The following CBLC variants were observed in gnomAD, a reference collection of about 807,000 sequenced individuals.
CBLC encodes E3 ubiquitin-protein ligase CBL-C.
A neutral mutation model predicts 58.6 loss-of-function variants in CBLC; 46 were observed. That is an observed-to-expected ratio of 0.79 (90% CI 0.62 to 1.00). CBLC has a LOEUF of 1.00. Ranked by LOEUF, CBLC falls within the 50% of genes least tolerant of loss-of-function variation. The pLI is 0.00. For synonymous variants in CBLC, 271 were observed against 264.2 expected (o/e 1.03, Z -0.25); for missense variants, 655 against 625.8 (o/e 1.05, Z -0.50).
Position 44,777,892 on chromosome 19 carries a change from C to T in CBLC, c.-40C>T, listed in dbSNP as rs769820375. 2 of 1,478,088 alleles carry T rather than the reference C, an allele frequency of 1.4e-6. No individual in the cohort carries two copies. The highest frequency in any genetic ancestry group is 2.9e-5 in the African/African-American group (2 of 68,872). The allele number at this position is 1,478,088 out of a possible 1,614,324, so 91.6% of individuals were successfully genotyped here. ...TCACTCTGGGCGAGGCCGCCCCTAT[C>T]CCAGCCGCACCGGTCCTTCCCGGCA... On this transcript the variant is annotated 5_prime_UTR_variant, in exon 1 of 11. Coordinates refer to ENST00000647358, the MANE Select transcript of CBLC (RefSeq NM_012116.4).
chr19:44,798,591 C>T (rs555814091), intron 9 of CBLC, among the ~76,000 whole-genome samples: 2 of 152,116 alleles, frequency 1.3e-5, no homozygotes, highest in African/African-American at 4.8e-5. Context: ...GGCGGGCACC[C>T]GTAATCCCAG....
intron 9 of CBLC, among the ~76,000 whole-genome samples, chr19:44,798,176 C>CA (rs1270555093): frequency 1.3e-5 from 2 of 150,928 alleles, no homozygotes; most frequent in African/African-American, 4.9e-5. Flanking sequence ...CAGCCTGACA[C>CA]AAGCCCCACA....
chr19:44,796,216 C>T (rs1968175141), intron 9 of CBLC, among the ~76,000 whole-genome samples: 1 of 151,838 alleles, frequency 6.6e-6, no homozygotes, highest in African/African-American at 2.4e-5. Flanking sequence ...GACCCTGTCT[C>T]AAAAAACAAA....
chr19:44,780,879 GCCAGAGTCCTTGCCCATCCC>G lies in CBLC; in HGVS notation c.354-24_354-5del, dbSNP rs775291844. Reference sequence around the variant, plus strand: ...GGTGTCAGTGGGAGCCCCAAGGATAGCCAGAGTCCTTGCCCATCCCCACAGGCGACAGCTGGCCAAGCTGG... The same window carrying G: ...GGTGTCAGTGGGAGCCCCAAGGATAGCACAGGCGACAGCTGGCCAAGCTGG... On this transcript the variant is annotated splice_region_variant and splice_polypyrimidine_tract_variant and intron_variant, in intron 1 of 10. Transcript: ENST00000647358. 28 of 1,606,244 alleles carry G rather than the reference GCCAGAGTCCTTGCCCATCCC, an allele frequency of 1.7e-5. No homozygotes were observed. In the South Asian group the frequency reaches 3.1e-4, roughly 18 times the overall value.
At position 44,800,555 on chromosome 19, in the gene CBLC, C is replaced by A. The variant is rs1409997811; in HGVS notation, c.*12C>A. On this transcript the variant is annotated 3_prime_UTR_variant, in exon 11 of 11. Transcript: ENST00000647358. ...CACCCCTCTCTCCGCCTACAGGGCA[C>A]CCAGATGTGCTGCTCAAGGGAGCCC... The A allele has an allele frequency of 1.5e-6, 1 of 674,044 alleles. No individual in the cohort carries two copies. The highest frequency in any genetic ancestry group is 2.8e-5 in the East Asian group (1 of 36,212). 41.8% of individuals were successfully genotyped at this position (674,044 alleles called of 1,614,324 possible).
chr19:44,799,865 AAAAG>A (rs200210470), intron 9 of CBLC, among the ~76,000 whole-genome samples: 3,820 of 152,168 alleles, frequency 0.025, 61 homozygotes, highest in Non-Finnish European at 0.033. Context: ...AAAAGAAGAA[AAAAG>A]AAAGAGAAAA....
intron 5 of CBLC, among the ~76,000 whole-genome samples, chr19:44,784,665 G>A (rs974799048): frequency 1.1e-4 from 17 of 152,154 alleles, no homozygotes; most frequent in East Asian, 7.7e-4. Context: ...GGGCACAACC[G>A]CAAGGGCTCC....
chr19:44,795,943 C>T (rs116614005), intron 9 of CBLC, among the ~76,000 whole-genome samples: 2,009 of 152,200 alleles, frequency 0.013, 54 homozygotes, highest in African/African-American at 0.046. Flanking sequence ...CGGCTGGGCG[C>T]GGTGGCTTAT....
chr19:44,785,655 G>A (rs1967884521), intron 5 of CBLC, among the ~76,000 whole-genome samples: 1 of 151,770 alleles, frequency 6.6e-6, no homozygotes, highest in Non-Finnish European at 1.5e-5. Context: ...AACATTTTTG[G>A]TGGGGCACGG....
intron 9 of CBLC, among the ~76,000 whole-genome samples, chr19:44,799,116 A>G (rs1968236177): frequency 6.6e-6 from 1 of 152,168 alleles, no homozygotes; most frequent in South Asian, 2.1e-4. Flanking sequence ...TCAGTGGAGC[A>G]TCAGCTCCAC....
At chr19:44,784,212 AG>A (rs1164500461) in intron 4 of CBLC, 51 bp from the exon 5 acceptor site, 4 of 1,485,356 alleles carry the variant, frequency 2.7e-6, no homozygotes, top group Non-Finnish European at 3.7e-6. Context: ...AGTTCACAAA[AG>A]GGATGGCAGT....
intron 5 of CBLC, among the ~76,000 whole-genome samples, chr19:44,786,090 C>T (rs575620235): frequency 6.8e-4 from 103 of 152,062 alleles, no homozygotes; most frequent in Non-Finnish European, 1.1e-3. Context: ...GTGAACCACA[C>T]GCCTGGCCAA....
chr19:44,784,357 C>A lies in CBLC; in HGVS notation c.873C>A (p.Asn291Lys), dbSNP rs1395689292. 2 of 1,601,750 alleles carry A rather than the reference C, an allele frequency of 1.2e-6. No individual in the cohort carries two copies. The highest frequency in any genetic ancestry group is 2.2e-5 in the South Asian group (2 of 90,544). ...GCATCCTGCAGACCATCCCTGCCAA[C>A]AAACCCCTGTCCCAGGTGCTCCTGG... ...DGSILQTIPA[N>K]KPLSQVLLEG... The change falls in exon 5 of 11, where the codon AAC becomes AAA. Residue 291 changes from asparagine (N) to lysine (K), a missense_variant. Asn to Lys is a moderately conservative substitution (Grantham distance 94, BLOSUM62 0). Around this residue, in one of 3 missense-constraint regions of CBLC, gnomAD observed 371 missense variants for 370.8 expected, o/e 1.00. Transcript: ENST00000647358.
At chr19:44,783,061 G>T (rs1259898470) in intron 4 of CBLC, among the ~76,000 whole-genome samples, 4 of 152,108 alleles carry the variant, frequency 2.6e-5, no homozygotes, top group Admixed American at 6.6e-5. Flanking sequence ...AAAAAGGAAA[G>T]AATAAATTCC....
In CBLC at chr19:44,792,366, A is replaced by G. The variant is rs757725511; in HGVS notation, c.1006-17A>G. 5 of 1,612,572 alleles carry G rather than the reference A, an allele frequency of 3.1e-6. No individual in the cohort carries two copies. Among genetic ancestry groups the G allele is most frequent in the South Asian group, 2.2e-5 (2 of 91,056 alleles). On this transcript the variant is annotated splice_polypyrimidine_tract_variant and intron_variant, in intron 6 of 10. Transcript: ENST00000647358. ...ACGCATGCCCCTCGCTGTCTTCTCT[A>G]TCCTCTCACCTGCCAGGAGCAGCTG...
At chr19:44,782,952 G>A (rs1430991946) in intron 4 of CBLC, among the ~76,000 whole-genome samples, 2 of 152,202 alleles carry the variant, frequency 1.3e-5, no homozygotes, top group Non-Finnish European at 2.9e-5. Context: ...AGAAGAGAAG[G>A]TCAGGTTTGT....
At chr19:44,784,483 A>T in intron 5 of CBLC, 82 bp downstream of exon 5, 1 of 1,386,824 alleles carries the variant, frequency 7.2e-7, no homozygotes, top group Non-Finnish European at 9.7e-7. Flanking sequence ...GCCGGTGGCC[A>T]CCACGTTTGA....
intron 9 of CBLC, among the ~76,000 whole-genome samples, chr19:44,796,926 C>T (rs1333681761): frequency 1.3e-5 from 2 of 149,802 alleles, no homozygotes; most frequent in Non-Finnish European, 3.0e-5. Context: ...GGGAGGGTGG[C>T]GGTGAAACCA....
At position 44,793,467 on chromosome 19, in the gene CBLC, C is replaced by A; in HGVS notation, c.1138-7C>A. On this transcript the variant is annotated splice_polypyrimidine_tract_variant and splice_region_variant and intron_variant, in intron 7 of 10. Coordinates refer to ENST00000647358, the MANE Select transcript of CBLC (RefSeq NM_012116.4). ...GCACTGACCCTTTCCCTCCCGACCT[C>A]CCCCAGCACTCGGACAGCCAGACCT... 6.2e-7 allele frequency: 1 copy of A among 1,602,948 alleles called. No homozygotes were observed. Among genetic ancestry groups the A allele is most frequent in the Non-Finnish European group, 8.5e-7 (1 of 1,175,646 alleles).
Sources: allele counts gnomAD v4.1 joint callset (sites outside exome capture counted in the v4.1 genomes callset), GRCh38; gene constraint gnomAD v4.1.1; regional missense constraint gnomAD v4.1.1; transcripts MANE v1.5; gene names NCBI Gene and HGNC (gene_info 2026-07-23, HGNC 2026-07-21).